Variants in UEVLD observed in about 807,000 individuals in gnomAD.
UEVLD encodes UEV and lactate/malate dehyrogenase domains, also known as ubiquitin-conjugating enzyme E2 variant 3.
A neutral mutation model predicts 58.6 loss-of-function variants in UEVLD; 47 were observed. The observed-to-expected ratio is 0.80, with a 90% confidence interval of 0.63 to 1.02. The LOEUF is 1.02. Among genes scored for constraint, UEVLD ranks in the 50% least tolerant of loss-of-function variants. The pLI is 0.00. For missense variants in UEVLD, 510 were observed against 550.6 expected (o/e 0.93, Z 0.74); for synonymous variants, 197 against 195.3 (o/e 1.01, Z -0.07).
At chr11:18,555,280 G>T (rs1056154070) in intron 7 of UEVLD, among the ~76,000 whole-genome samples, 4 of 152,140 alleles carry the variant, frequency 2.6e-5, no homozygotes, top group Non-Finnish European at 5.9e-5. Context: ...CAAAAAATTA[G>T]CTGGGCATGG....
At chr11:18,583,499 G>GT (rs1455232028) in intron 1 of UEVLD, among the ~76,000 whole-genome samples, 14 of 152,162 alleles carry the variant, frequency 9.2e-5, no homozygotes, top group African/African-American at 3.4e-4. Flanking sequence ...GATTACAGGC[G>GT]TGAGCTACCA....
chr11:18,571,170 AC>A (rs1192809467), intron 3 of UEVLD, among the ~76,000 whole-genome samples: 3 of 151,806 alleles, frequency 2.0e-5, no homozygotes, highest in Non-Finnish European at 4.4e-5. Flanking sequence ...ACATGATGAA[AC>A]CCCATCTCCA....
intron 9 of UEVLD, among the ~76,000 whole-genome samples, chr11:18,538,122 A>G (rs1283143982): frequency 6.6e-6 from 1 of 152,240 alleles, no homozygotes; most frequent in Non-Finnish European, 1.5e-5. Flanking sequence ...TGTTTAAGAT[A>G]CAAGAATTCT....
At chr11:18,569,918 A>C in intron 4 of UEVLD, 1 of 198,886 alleles carries the variant, frequency 5.0e-6, no homozygotes, top group Non-Finnish European at 1.0e-5. Context: ...ATAATGCCCC[A>C]ATCACTTGCT....
At chr11:18,534,925 T>C (rs529067156) in intron 10 of UEVLD, among the ~76,000 whole-genome samples, 39 of 152,324 alleles carry the variant, frequency 2.6e-4, no homozygotes, top group Middle Eastern at 3.4e-3. Flanking sequence ...TGTGCAAAGA[T>C]GTACATAATA....
chr11:18,551,422 C>CAAA (rs34545423), intron 7 of UEVLD, among the ~76,000 whole-genome samples: 2 of 67,366 alleles, frequency 3.0e-5, no homozygotes, highest in Non-Finnish European at 6.0e-5. Flanking sequence ...GACTCCATCA[C>CAAA]AAAAAAAAAA....
At chr11:18,566,916 T>C (rs1319951146) in intron 4 of UEVLD, among the ~76,000 whole-genome samples, 2 of 152,232 alleles carry the variant, frequency 1.3e-5, no homozygotes, top group Non-Finnish European at 2.9e-5. Flanking sequence ...CTCTCCTTTT[T>C]TTAACTTTTC....
At chr11:18,559,005 G>C (rs531923473) in intron 6 of UEVLD, among the ~76,000 whole-genome samples, 1 of 151,180 alleles carries the variant, frequency 6.6e-6, no homozygotes, top group Non-Finnish European at 1.5e-5. Flanking sequence ...CTCCCAAATA[G>C]CTGGGATTAC....
chr11:18,543,876 A>G (rs1249973959), intron 9 of UEVLD, among the ~76,000 whole-genome samples: 1 of 152,198 alleles, frequency 6.6e-6, no homozygotes, highest in African/African-American at 2.4e-5. Flanking sequence ...GAAAAAGGCC[A>G]TAGGGATAAA....
intron 3 of UEVLD, among the ~76,000 whole-genome samples, chr11:18,573,548 A>G (rs1346136354): frequency 6.6e-6 from 1 of 152,046 alleles, no homozygotes; most frequent in African/African-American, 2.4e-5. Flanking sequence ...AGAAAAATCA[A>G]CTCTATGCCT....
At chr11:18,571,388 C>T (rs545407594) in intron 3 of UEVLD, among the ~76,000 whole-genome samples, 17 of 152,090 alleles carry the variant, frequency 1.1e-4, no homozygotes, top group Admixed American at 3.3e-4. Context: ...GAAGGTATTC[C>T]CCTGGTTGAT....
At chr11:18,563,086 T>C (rs936321304) in intron 6 of UEVLD, among the ~76,000 whole-genome samples, 12 of 145,498 alleles carry the variant, frequency 8.2e-5, no homozygotes, top group African/African-American at 3.1e-4. Flanking sequence ...GACTTTCAGA[T>C]GCCTTCTTGT....
At chr11:18,547,147 G>A (rs1173965296) in intron 7 of UEVLD, 97 bp from the exon 8 acceptor site, 2 of 1,286,682 alleles carry the variant, frequency 1.6e-6, no homozygotes, top group South Asian at 1.5e-5. Flanking sequence ...AAATAAGAGA[G>A]CTTTTAGGCA....
intron 1 of UEVLD, among the ~76,000 whole-genome samples, chr11:18,584,970 T>C (rs11024722): frequency 0.026 from 3,914 of 152,280 alleles, 159 homozygotes; most frequent in African/African-American, 0.09. Context: ...GCATGCTTTA[T>C]ATATTTTAGA....
At chr11:18,549,085 C>T (rs1259194067) in intron 7 of UEVLD, among the ~76,000 whole-genome samples, 1 of 152,194 alleles carries the variant, frequency 6.6e-6, no homozygotes, top group Non-Finnish European at 1.5e-5. Flanking sequence ...GATGAGAAAT[C>T]TGAGGCACAG....
intron 10 of UEVLD, among the ~76,000 whole-genome samples, chr11:18,535,493 T>C (rs2133953175): frequency 6.6e-6 from 1 of 152,340 alleles, no homozygotes; most frequent in South Asian, 2.1e-4. Flanking sequence ...ACACTAATCT[T>C]CTCAAGAAAG....
At chr11:18,575,480 A>G in intron 2 of UEVLD, 68 bp from the exon 3 acceptor site, 12 of 1,471,040 alleles carry the variant, frequency 8.2e-6, no homozygotes, top group Non-Finnish European at 1.0e-5. Context: ...TAAAGTATGT[A>G]AGTGTGCACA....
chr11:18,559,739 T>C (rs1851922012), intron 6 of UEVLD, among the ~76,000 whole-genome samples: 1 of 152,032 alleles, frequency 6.6e-6, no homozygotes, highest in African/African-American at 2.4e-5. Flanking sequence ...CATGCAGTAC[T>C]CTCCCCAGAG....
intron 1 of UEVLD, chr11:18,579,666 C>G (rs1853127701): frequency 1.1e-5 from 2 of 178,032 alleles, no homozygotes; most frequent in South Asian, 1.9e-4. Context: ...ACTTGGTTGT[C>G]TTGTGGGCAA....
Sources: gnomAD v4.1 joint callset for allele counts (sites outside exome capture counted in the v4.1 genomes callset) on GRCh38, gnomAD v4.1.1 for gene constraint, MANE v1.5 for transcripts, NCBI Gene and HGNC (gene_info 2026-07-23, HGNC 2026-07-21) for gene names.